ADAMTS17: variants seen among roughly 807,000 people sequenced by gnomAD.
ADAMTS17 encodes the protein ADAM metallopeptidase with thrombospondin type 1 motif 17.
Under a neutral mutation model 141.5 loss-of-function variants are expected in ADAMTS17, and 113 were observed. The observed-to-expected ratio is 0.80, with a 90% CI of 0.69 to 0.93. The LOEUF (loss-of-function observed/expected upper bound fraction) is 0.93. Among genes scored for constraint, ADAMTS17 ranks in the 40% least tolerant of loss-of-function variants. The probability of loss-of-function intolerance (pLI) is 0.00; values close to 1 mark genes in which losing one functional copy is unlikely to be tolerated. For synonymous variants in ADAMTS17, 768 were observed against 630.6 expected (o/e 1.22, Z -3.27); for missense variants, 1,659 against 1,517.9 (o/e 1.09, Z -1.54).
intron 7 of ADAMTS17, among the ~76,000 whole-genome samples, chr15:100,201,200 C>A (rs560637885): frequency 6.6e-6 from 1 of 152,280 alleles, no homozygotes; most frequent in Admixed American, 6.5e-5. Context: ...AAATTGTAAT[C>A]CCCATGTGTC....
intron 18 of ADAMTS17, among the ~76,000 whole-genome samples, chr15:100,039,300 C>T (rs2031037217): frequency 1.3e-5 from 2 of 152,210 alleles, no homozygotes; most frequent in Admixed American, 1.3e-4. Flanking sequence ...GGTTCTGTTG[C>T]TCCTCTTTCC....
intron 13 of ADAMTS17, among the ~76,000 whole-genome samples, chr15:100,114,890 G>C (rs915199419): frequency 3.3e-5 from 5 of 152,212 alleles, no homozygotes; most frequent in African/African-American, 4.8e-5. Context: ...GTTTAATCTG[G>C]ACTTGGAGAA....
At chr15:100,092,165 C>CTTA (rs2035509410) in intron 15 of ADAMTS17, among the ~76,000 whole-genome samples, 1 of 152,214 alleles carries the variant, frequency 6.6e-6, no homozygotes, top group African/African-American at 2.4e-5. Context: ...GGAAAGAAAA[C>CTTA]TTACCCCCAG....
chr15:100,051,605 C>G lies in ADAMTS17; in HGVS notation c.2422G>C (p.Gly808Arg). 1 of 1,614,050 alleles carries G rather than the reference C, an allele frequency of 6.2e-7. No individual in the cohort carries two copies. Residue 808 changes from glycine to arginine, a missense_variant, in exon 17 of 22, where the codon GGC becomes CGC. By Grantham distance (125) the Gly-to-Arg change is moderately radical. Transcript: ENST00000268070. ...QDSLFIWTHS[G>R]WEGCSVQCGG... ...CACTGCACACTGCACCCTTCCCAGC[C>G]GCTGTGGGTCCAGATGAACAAAGAG... is the stretch of plus-strand genomic sequence containing the variant.
chr15:100,258,497 G>A (rs2043404008), intron 6 of ADAMTS17, among the ~76,000 whole-genome samples: 1 of 152,200 alleles, frequency 6.6e-6, no homozygotes, highest in Non-Finnish European at 1.5e-5. Flanking sequence ...CACATGGCTG[G>A]GGAGGCCTCA....
chr15:100,318,895 G>C (rs534427867), intron 3 of ADAMTS17, among the ~76,000 whole-genome samples: 1 of 152,338 alleles, frequency 6.6e-6, no homozygotes, highest in African/African-American at 2.4e-5. Context: ...ATGGCACAGG[G>C]GTGCAGGGAA....
At chr15:100,123,914 G>A (rs757682403) in intron 12 of ADAMTS17, among the ~76,000 whole-genome samples, 2 of 152,116 alleles carry the variant, frequency 1.3e-5, no homozygotes, top group African/African-American at 2.4e-5. Context: ...GGGGTGTGAT[G>A]GGTTTTTTAA....
intron 10 of ADAMTS17, among the ~76,000 whole-genome samples, chr15:100,133,939 T>C (rs575482771): frequency 6.6e-6 from 1 of 152,302 alleles, no homozygotes; most frequent in South Asian, 2.1e-4. Context: ...TTCCAGAACA[T>C]CTACAAATAC....
intron 3 of ADAMTS17, among the ~76,000 whole-genome samples, chr15:100,307,175 CA>C (rs2045254258): frequency 1.3e-5 from 2 of 152,246 alleles, no homozygotes; most frequent in African/African-American, 4.8e-5. Context: ...AGCTGTCTAT[CA>C]CCAGCCCTAC....
chr15:99,976,188 C>A lies in ADAMTS17; in HGVS notation c.2984G>T (p.Arg995Leu). 1 of 1,549,198 alleles carries A rather than the reference C, an allele frequency of 6.5e-7. No homozygotes were observed. Among genetic ancestry groups the A allele is most frequent in the South Asian group, 1.2e-5 (1 of 84,070 alleles). The change falls in exon 21 of 22, where the codon CGG (arginine) becomes CTG (leucine). Residue 995 changes from arginine to leucine, a missense_variant. Physicochemically the swap from Arg to Leu is moderately radical, Grantham distance 102. Transcript: ENST00000268070. ...SSTCGKGLQSRVVQCMHKVTG... is the reference protein window; with the variant it reads ...SSTCGKGLQSLVVQCMHKVTG... The stretch of plus-strand genomic sequence containing the variant: ...GACCTTGTGCATGCACTGCACCACC[C>A]GGGACTGCAGGCCCTTCCCGCAGGT...
At position 99,973,520 on chromosome 15, in the gene ADAMTS17, C is replaced by G. The variant is rs2581358; in HGVS notation, c.*882G>C. On this transcript the variant is annotated 3_prime_UTR_variant, in exon 22 of 22. Transcript: ENST00000268070. ...GAAGTGCAGGCCAGAGTGGATGTTCCCGGAAGGCGGGGCAGGTGCCCATCC... is the reference window on the plus strand; with the variant it reads ...GAAGTGCAGGCCAGAGTGGATGTTCGCGGAAGGCGGGGCAGGTGCCCATCC... The G allele has an allele frequency of 0.63, 95,111 of 151,854 alleles. 30,007 individuals carry two copies. The highest frequency in any genetic ancestry group is 0.66 in the Non-Finnish European group (44,859 of 67,930). The allele number at this position is 151,854 out of a possible 1,614,324, so 9.4% of individuals were successfully genotyped here.
intron 3 of ADAMTS17, among the ~76,000 whole-genome samples, chr15:100,321,016 A>C (rs2045717774): frequency 6.6e-6 from 1 of 152,230 alleles, no homozygotes; most frequent in Non-Finnish European, 1.5e-5. Context: ...AATAATTCTA[A>C]CTGCAAAAAC....
At chr15:100,328,619 C>T (rs935726555) in intron 3 of ADAMTS17, among the ~76,000 whole-genome samples, 1 of 152,308 alleles carries the variant, frequency 6.6e-6, no homozygotes, top group East Asian at 1.9e-4. Context: ...ATCACACCCA[C>T]CCCACCCTGA....
chr15:100,076,127 C>T (rs2034357825), intron 15 of ADAMTS17, among the ~76,000 whole-genome samples: 2 of 152,090 alleles, frequency 1.3e-5, no homozygotes, highest in Non-Finnish European at 2.9e-5. Context: ...AATGCAACCT[C>T]CACCTTCCGG....
In ADAMTS17 at chr15:100,111,437, A is replaced by G. The variant is rs76711326; in HGVS notation, c.1889-2321T>C. 7.9e-3 allele frequency among the ~76,000 whole-genome samples: 1,197 copies of G among 152,328 alleles called. 10 individuals carry two copies. The highest frequency in any genetic ancestry group is 0.014 in the South Asian group (68 of 4,828). Reference sequence around the variant, plus strand: ...AAGGAGAACTCTGGAAGATGGAGACATATACTGAGATTAGCTCGAGGGAGC... The same window carrying G: ...AAGGAGAACTCTGGAAGATGGAGACGTATACTGAGATTAGCTCGAGGGAGC... On this transcript the variant is annotated intron_variant, in intron 13 of 21. Transcript: ENST00000268070.
intron 18 of ADAMTS17, among the ~76,000 whole-genome samples, chr15:100,044,524 T>G (rs1441842146): frequency 6.6e-6 from 1 of 152,248 alleles, no homozygotes; most frequent in African/African-American, 2.4e-5. Context: ...GAGTATATCT[T>G]TGTTGCTTCT....
chr15:100,324,934 C>A (rs1056818566), intron 3 of ADAMTS17, among the ~76,000 whole-genome samples: 1 of 152,186 alleles, frequency 6.6e-6, no homozygotes, highest in African/African-American at 2.4e-5. Context: ...ACCATTCTAA[C>A]TTGCCTGAGC....
In ADAMTS17 at chr15:99,973,246, C is replaced by G. The variant is rs1465527516; in HGVS notation, c.*1156G>C. 1 of 152,130 alleles carries G rather than the reference C, an allele frequency of 6.6e-6. No individual in the cohort carries two copies. Among genetic ancestry groups the G allele is most frequent in the Non-Finnish European group, 1.5e-5 (1 of 68,058 alleles). The allele number at this position is 152,130 out of a possible 1,614,324, so 9.4% of individuals were successfully genotyped here. A position where few individuals can be genotyped will look rare whatever the true frequency, so the allele number is the denominator to read the frequency against. ...ACAGGCGTGATGATAATGGGTACCA[C>G]AAAGTCTGGGGCTACAGGAAGGCTC... On this transcript the variant is annotated 3_prime_UTR_variant, in exon 22 of 22. Coordinates refer to ENST00000268070, the MANE Select transcript of ADAMTS17 (RefSeq NM_139057.4).
intron 18 of ADAMTS17, among the ~76,000 whole-genome samples, chr15:100,022,096 T>C (rs1270447436): frequency 6.6e-6 from 1 of 152,152 alleles, no homozygotes; most frequent in Non-Finnish European, 1.5e-5. Context: ...GCTACTAAAC[T>C]TCCCCGGGCT....
Sources: allele counts gnomAD v4.1 joint callset (sites outside exome capture counted in the v4.1 genomes callset), GRCh38; gene constraint gnomAD v4.1.1; transcripts MANE v1.5; gene names NCBI Gene and HGNC (gene_info 2026-07-23, HGNC 2026-07-21).